The following B3GALT1 variants were observed in gnomAD, a reference collection of about 807,000 sequenced individuals.
B3GALT1 encodes the protein beta-1,3-galactosyltransferase 1, also known as UDP-Gal:betaGlcNAc beta 1,3-galactosyltransferase, polypeptide 1.
Under a neutral mutation model 23.2 loss-of-function variants are expected in B3GALT1, and 10 were observed. The observed-to-expected ratio is 0.43, with a 90% CI of 0.27 to 0.73. The LOEUF (loss-of-function observed/expected upper bound fraction) is 0.73, where lower values mean the gene tolerates loss of function less well. Among genes scored for constraint, B3GALT1 ranks in the 30% least tolerant of loss-of-function variants. The pLI is 0.21. For missense variants in B3GALT1, 299 were observed against 405.4 expected, an observed-to-expected ratio of 0.74 and a Z score of 2.25; for synonymous variants, 156 against 141.5, an observed-to-expected ratio of 1.10 and a Z score of -0.73.
At chr2:167,868,489 T>TAA (rs71397619) in intron 4 of B3GALT1, among the ~76,000 whole-genome samples, 196 of 141,882 alleles carry the variant, frequency 1.4e-3, no homozygotes, top group Non-Finnish European at 2.3e-3. Context: ...ATGTCACTGT[T>TAA]AAAAAAAAAA....
chr2:167,677,155 C>A (rs1686442911), intron 3 of B3GALT1, among the ~76,000 whole-genome samples: 1 of 152,020 alleles, frequency 6.6e-6, no homozygotes, highest in African/African-American at 2.4e-5. Flanking sequence ...ATCTCATGTA[C>A]AACATGAGAA....
chr2:167,837,926 T>G (rs1279661007), intron 4 of B3GALT1, among the ~76,000 whole-genome samples: 3 of 152,120 alleles, frequency 2.0e-5, no homozygotes, highest in African/African-American at 7.2e-5. Flanking sequence ...CCTGAATGAC[T>G]ACTGGGTACA....
At chr2:167,764,996 A>G (rs2105302213) in intron 3 of B3GALT1, among the ~76,000 whole-genome samples, 2 of 152,292 alleles carry the variant, frequency 1.3e-5, no homozygotes, top group East Asian at 3.9e-4. Flanking sequence ...TCTCCAGATC[A>G]TAATGGAGAT....
At chr2:167,458,946 G>C (rs895495509) in intron 1 of B3GALT1, among the ~76,000 whole-genome samples, 3 of 151,972 alleles carry the variant, frequency 2.0e-5, no homozygotes, top group African/African-American at 7.3e-5. Flanking sequence ...GCTCTCTTTT[G>C]GTTAGTATTT....
At chr2:167,584,358 A>C (rs1362000035) in intron 2 of B3GALT1, among the ~76,000 whole-genome samples, 1 of 152,098 alleles carries the variant, frequency 6.6e-6, no homozygotes, top group Admixed American at 6.5e-5. Context: ...TATGGGGAAA[A>C]AACTCAGTTT....
In B3GALT1 at chr2:167,869,398, A is replaced by AT; in HGVS notation, c.359_360insT (p.Lys120AsnfsTer4). ...ATAGCCACCCTGTTCCTCCTGGGCAAGAATGCTGATCCTGTTCTCAATCAG... is the reference window on the plus strand; with the variant it reads ...ATAGCCACCCTGTTCCTCCTGGGCAATGAATGCTGATCCTGTTCTCAATCAG... On this transcript the variant is annotated frameshift_variant, in exon 5 of 5. Coordinates refer to ENST00000392690, the MANE Select transcript of B3GALT1 (RefSeq NM_020981.4). LOFTEE classifies it high-confidence loss of function. The surrounding 1 kb of genome is among the most constrained non-coding windows in gnomAD (Gnocchi z 6.4). The AT allele has an allele frequency of 6.2e-7, 1 of 1,614,138 alleles. No homozygotes were observed. The highest frequency in any genetic ancestry group is 8.5e-7 in the Non-Finnish European group (1 of 1,180,026).
intron 2 of B3GALT1, among the ~76,000 whole-genome samples, chr2:167,623,015 A>G (rs1685285129): frequency 6.6e-6 from 1 of 151,448 alleles, no homozygotes; most frequent in Non-Finnish European, 1.5e-5. Flanking sequence ...TTTCCACTAG[A>G]AAAAAAAAGG....
At chr2:167,611,432 C>T (rs1322135360) in intron 2 of B3GALT1, among the ~76,000 whole-genome samples, 1 of 151,832 alleles carries the variant, frequency 6.6e-6, no homozygotes, top group Non-Finnish European at 1.5e-5. Flanking sequence ...CAAAATTCTC[C>T]CTCTGGCCAA....
intron 2 of B3GALT1, among the ~76,000 whole-genome samples, chr2:167,562,302 T>G (rs1247693378): frequency 6.6e-6 from 1 of 152,336 alleles, no homozygotes; most frequent in Admixed American, 6.5e-5. Flanking sequence ...TGATGGGACA[T>G]ATCTCAAAAT....
rs397870339 is a variant in B3GALT1 at position 167,871,891 on chromosome 2, CTTTTTTTTTTTTTTTTT to C, written c.*1883_*1899del. 3 of 62,464 alleles carry C rather than the reference CTTTTTTTTTTTTTTTTT, an allele frequency of 4.8e-5. No individual in the cohort carries two copies. The highest frequency in any genetic ancestry group is 6.0e-5 in the African/African-American group (1 of 16,744). 3.9% of individuals were successfully genotyped at this position (62,464 alleles called of 1,614,324 possible). ...AGAGTGTACCTTTTTTATTTATTTA[CTTTTTTTTTTTTTTTTT>C]TTTTTTTTTTTGAGACGGAGTCTAG... On this transcript the variant is annotated 3_prime_UTR_variant, in exon 5 of 5. Transcript: ENST00000392690.
chr2:167,602,259 A>G (rs1684889913), intron 2 of B3GALT1, among the ~76,000 whole-genome samples: 1 of 152,212 alleles, frequency 6.6e-6, no homozygotes, highest in Non-Finnish European at 1.5e-5. Context: ...ACAGCAGTGT[A>G]CAGAGAGCTG....
chr2:167,395,316 A>G (rs1224855274), intron 1 of B3GALT1, among the ~76,000 whole-genome samples: 1 of 152,042 alleles, frequency 6.6e-6, no homozygotes, highest in East Asian at 1.9e-4. Flanking sequence ...ATTACCCTGG[A>G]TTGTCTGGGT....
intron 1 of B3GALT1, among the ~76,000 whole-genome samples, chr2:167,475,973 CTG>C (rs942294175): frequency 2.6e-5 from 4 of 152,130 alleles, no homozygotes; most frequent in Non-Finnish European, 2.9e-5. Flanking sequence ...GTGTGCATGT[CTG>C]TGTCCACATT....
At chr2:167,669,234 T>C (rs1053695456) in intron 3 of B3GALT1, among the ~76,000 whole-genome samples, 6 of 152,240 alleles carry the variant, frequency 3.9e-5, no homozygotes, top group Non-Finnish European at 7.3e-5. Flanking sequence ...TGTATACTTA[T>C]TGAATGGTTC....
At chr2:167,516,203 A>G (rs1325908908) in intron 2 of B3GALT1, among the ~76,000 whole-genome samples, 1 of 152,046 alleles carries the variant, frequency 6.6e-6, no homozygotes, top group Non-Finnish European at 1.5e-5. Context: ...GCTAAGAGAT[A>G]TTTGTCATCT....
chr2:167,419,043 A>G (rs1010735216), intron 1 of B3GALT1, among the ~76,000 whole-genome samples: 1 of 152,234 alleles, frequency 6.6e-6, no homozygotes, highest in Non-Finnish European at 1.5e-5. Flanking sequence ...TTTTTTTACT[A>G]TACCAGAAAA....
chr2:167,654,426 T>TA (rs1002944363), intron 3 of B3GALT1, among the ~76,000 whole-genome samples: 7 of 152,118 alleles, frequency 4.6e-5, no homozygotes, highest in African/African-American at 1.7e-4. Flanking sequence ...AAGGGGGAGC[T>TA]AAAAAATAAC....
chr2:167,297,378 C>A (rs1270226874), intron 1 of B3GALT1, among the ~76,000 whole-genome samples: 1 of 148,164 alleles, frequency 6.7e-6, no homozygotes, highest in Non-Finnish European at 1.5e-5. Flanking sequence ...CATTTATGTA[C>A]CTCTGTAAAA....
At chr2:167,578,660 A>T (rs1016958733) in intron 2 of B3GALT1, among the ~76,000 whole-genome samples, 1 of 152,010 alleles carries the variant, frequency 6.6e-6, no homozygotes, top group Non-Finnish European at 1.5e-5. Flanking sequence ...AAGATGTTCT[A>T]ATAAGGGTTG....
Sources: gnomAD v4.1 joint callset for allele counts (sites outside exome capture counted in the v4.1 genomes callset) on GRCh38, gnomAD v4.1.1 for gene constraint, Gnocchi (gnomAD v3.1) non-coding constraint, MANE v1.5 for transcripts, NCBI Gene and HGNC (gene_info 2026-07-23, HGNC 2026-07-21) for gene names.